The following VTI1A variants were observed in gnomAD, a reference collection of about 807,000 sequenced individuals.
VTI1A encodes the protein vesicle transport through interaction with t-SNAREs 1A.
In VTI1A, 22 loss-of-function variants were observed where a neutral mutation model predicts 34.9. The observed-to-expected ratio is 0.63, with a 90% CI of 0.45 to 0.90. The LOEUF is 0.90. VTI1A is among the 40% of genes least tolerant of loss of function. The pLI is 0.00. For missense variants in VTI1A, 268 were observed against 275.6 expected, an observed-to-expected ratio of 0.97 and a Z score of 0.20; for synonymous variants, 87 against 97.3, an observed-to-expected ratio of 0.89 and a Z score of 0.62.
At chr10:112,456,291 G>A (rs1466002597) in intron 1 of VTI1A, among the ~76,000 whole-genome samples, 4 of 151,922 alleles carry the variant, frequency 2.6e-5, no homozygotes, top group South Asian at 2.1e-4. Context: ...GTGTGGTGGC[G>A]CATGCCTGTA....
chr10:112,629,647 A>G (rs1846058901), intron 5 of VTI1A, among the ~76,000 whole-genome samples: 1 of 152,258 alleles, frequency 6.6e-6, no homozygotes, highest in Admixed American at 6.5e-5. Flanking sequence ...AAATGAGGCT[A>G]TACAGCAGCA....
chr10:112,551,841 G>A lies in VTI1A; in HGVS notation c.427+13511G>A, dbSNP rs139306101. On this transcript the variant is annotated intron_variant, in intron 5 of 7. Coordinates refer to ENST00000393077, the MANE Select transcript of VTI1A (RefSeq NM_145206.4). ...AAGCCAGGCTTTGGGGCAAATACAT[G>A]GCTTATGAGAATTCCTGGGGGGTGT... Among the ~76,000 whole-genome samples, 10 of 152,216 alleles carry A rather than the reference G, an allele frequency of 6.6e-5. No homozygotes were observed. The East Asian group carries it at 1.9e-3, about 29-fold the overall frequency.
intron 3 of VTI1A, among the ~76,000 whole-genome samples, chr10:112,466,242 A>G (rs1847889989): frequency 6.6e-6 from 1 of 152,144 alleles, no homozygotes; most frequent in Non-Finnish European, 1.5e-5. Context: ...GCTACCGTAT[A>G]CCTTTCCACT....
chr10:112,750,733 A>G (rs1163013118), intron 7 of VTI1A, among the ~76,000 whole-genome samples: 1 of 152,106 alleles, frequency 6.6e-6, no homozygotes, highest in Non-Finnish European at 1.5e-5. Context: ...TCCCTCATTT[A>G]TTTTTTAATG....
intron 5 of VTI1A, among the ~76,000 whole-genome samples, chr10:112,656,521 AT>A (rs768159688): frequency 0.023 from 2,358 of 103,142 alleles, 51 homozygotes; most frequent in African/African-American, 0.071. Context: ...CACCCAGATA[AT>A]TTTTTTTTTT....
rs1846905546 is a variant in VTI1A at position 112,447,471 on chromosome 10, A to G, written c.94+4A>G. The G allele has an allele frequency of 6.2e-7, 1 of 1,613,046 alleles. No homozygotes were observed. Among genetic ancestry groups the G allele is most frequent in the Non-Finnish European group, 8.5e-7 (1 of 1,179,768 alleles). On this transcript the variant is annotated splice_donor_region_variant and intron_variant, in intron 1 of 7. Transcript: ENST00000393077. ...AGGGTCCCACGACTCCCGCCTGGTG[A>G]GAGCCTTGCCCGGCTGGACGAGGGT...
At chr10:112,462,143 C>T (rs1207533023) in intron 2 of VTI1A, among the ~76,000 whole-genome samples, 2 of 152,348 alleles carry the variant, frequency 1.3e-5, no homozygotes, top group East Asian at 1.9e-4. Flanking sequence ...AGCCACTGTG[C>T]GCAGCCGATA....
chr10:112,626,938 A>G (rs565749505), intron 5 of VTI1A, among the ~76,000 whole-genome samples: 3 of 152,356 alleles, frequency 2.0e-5, no homozygotes, highest in African/African-American at 7.2e-5. Flanking sequence ...ATAGTGTTTA[A>G]CCACTTAAAA....
At chr10:112,742,753 T>A (rs1175802200) in intron 7 of VTI1A, among the ~76,000 whole-genome samples, 2 of 152,256 alleles carry the variant, frequency 1.3e-5, no homozygotes, top group Admixed American at 1.3e-4. Context: ...AATGTCCATT[T>A]ATACTTCAGA....
intron 7 of VTI1A, among the ~76,000 whole-genome samples, chr10:112,684,968 T>C (rs868292176): frequency 3.0e-4 from 45 of 152,214 alleles, no homozygotes; most frequent in African/African-American, 9.7e-4. Context: ...TAGGAATCTA[T>C]AGATGTGGAA....
chr10:112,744,064 T>C (rs1039463167), intron 7 of VTI1A, among the ~76,000 whole-genome samples: 3 of 152,170 alleles, frequency 2.0e-5, no homozygotes, highest in African/African-American at 7.2e-5. Flanking sequence ...TTTTTAATAT[T>C]CCAGATATTT....
At chr10:112,645,459 T>G (rs1433969158) in intron 5 of VTI1A, among the ~76,000 whole-genome samples, 1 of 152,228 alleles carries the variant, frequency 6.6e-6, no homozygotes, top group Non-Finnish European at 1.5e-5. Context: ...CACCCATGAT[T>G]GCAGAAGTGC....
At chr10:112,797,135 A>G (rs1852701372) in intron 7 of VTI1A, among the ~76,000 whole-genome samples, 1 of 152,218 alleles carries the variant, frequency 6.6e-6, no homozygotes, top group South Asian at 2.1e-4. Flanking sequence ...TTAAATTTTA[A>G]TAATGCCAGT....
At chr10:112,668,055 A>G (rs1847707563) in intron 5 of VTI1A, among the ~76,000 whole-genome samples, 163 bp from the exon 6 acceptor site, 1 of 152,224 alleles carries the variant, frequency 6.6e-6, no homozygotes, top group Non-Finnish European at 1.5e-5. Flanking sequence ...AGATAAATTT[A>G]TCAAATACTG....
At chr10:112,560,815 TCTATCTCTTGAC>T (rs1851700916) in intron 5 of VTI1A, among the ~76,000 whole-genome samples, 1 of 152,096 alleles carries the variant, frequency 6.6e-6, no homozygotes, top group South Asian at 2.1e-4. Flanking sequence ...CAGGATGGTC[TCTATCTCTTGAC>T]CTCAAGTGAT....
chr10:112,568,438 C>T (rs1449374279), intron 5 of VTI1A, among the ~76,000 whole-genome samples: 3 of 151,802 alleles, frequency 2.0e-5, no homozygotes, highest in Non-Finnish European at 2.9e-5. Flanking sequence ...GCCCGGGAGG[C>T]GGAGGTTGCA....
intron 5 of VTI1A, among the ~76,000 whole-genome samples, chr10:112,582,506 C>T (rs1454413822): frequency 6.6e-6 from 1 of 152,132 alleles, no homozygotes; most frequent in African/African-American, 2.4e-5. Flanking sequence ...GCTTGTGAGC[C>T]CTTCTCCAGA....
At chr10:112,713,789 G>T (rs1358777253) in intron 7 of VTI1A, among the ~76,000 whole-genome samples, 2 of 152,176 alleles carry the variant, frequency 1.3e-5, no homozygotes, top group East Asian at 1.9e-4. Context: ...AAGGAAAATT[G>T]CAAGAAGCAT....
intron 7 of VTI1A, among the ~76,000 whole-genome samples, chr10:112,797,244 G>GAT (rs1364485830): frequency 6.6e-6 from 1 of 152,154 alleles, no homozygotes; most frequent in Non-Finnish European, 1.5e-5. Flanking sequence ...CCTCAGCTAT[G>GAT]ATTGTTTTCC....
Sources: allele counts gnomAD v4.1 joint callset (sites outside exome capture counted in the v4.1 genomes callset), GRCh38; gene constraint gnomAD v4.1.1; transcripts MANE v1.5; gene names NCBI Gene and HGNC (gene_info 2026-07-23, HGNC 2026-07-21).